The following HDAC9 variants were observed in gnomAD, a reference collection of about 807,000 sequenced individuals.
HDAC9 encodes the protein histone deacetylase 9.
In HDAC9, 41 loss-of-function variants were observed where a neutral mutation model predicts 139.4. The ratio of observed to expected loss-of-function variants is 0.29; its 90% confidence interval spans 0.23 to 0.38. The LOEUF (loss-of-function observed/expected upper bound fraction) is 0.38, where lower values mean the gene tolerates loss of function less well. HDAC9 is among the 10% of genes least tolerant of loss of function. HDAC9 has a pLI of 1.00. For synonymous variants in HDAC9, 517 were observed against 476.2 expected (o/e 1.09, Z -1.12); for missense variants, 1,147 against 1,297.0 (o/e 0.88, Z 1.78).
chr7:18,804,848 G>A (rs1793577282), intron 17 of HDAC9, among the ~76,000 whole-genome samples: 1 of 152,152 alleles, frequency 6.6e-6, no homozygotes, highest in Admixed American at 6.5e-5. Flanking sequence ...AGGCTGGTGT[G>A]CAGGGGCGTA....
intron 2 of HDAC9, among the ~76,000 whole-genome samples, chr7:18,227,929 T>A (rs1793177083): frequency 6.6e-6 from 1 of 152,210 alleles, no homozygotes; most frequent in African/African-American, 2.4e-5. Flanking sequence ...TTTTATTCAT[T>A]TTCCCCTGTG....
intron 1 of HDAC9, among the ~76,000 whole-genome samples, chr7:18,335,979 A>G (rs559090327): frequency 3.3e-5 from 5 of 151,756 alleles, no homozygotes; most frequent in African/African-American, 1.2e-4. Context: ...TCATGATGTA[A>G]CATTGATGAT....
intron 2 of HDAC9, among the ~76,000 whole-genome samples, chr7:18,262,288 C>T (rs918653218): frequency 1.3e-5 from 2 of 152,162 alleles, no homozygotes; most frequent in African/African-American, 4.8e-5. Context: ...AGGCTGACAG[C>T]TGATTTCTCT....
chr7:18,416,138 A>G (rs1789037069), intron 1 of HDAC9, among the ~76,000 whole-genome samples: 1 of 152,074 alleles, frequency 6.6e-6, no homozygotes, highest in Non-Finnish European at 1.5e-5. Flanking sequence ...CTCTACTAAA[A>G]ATACAAAATT....
At chr7:18,273,008 TTCTTCCTCCTCCTCCTCC>T (rs1471422937) in intron 2 of HDAC9, among the ~76,000 whole-genome samples, 2 of 148,844 alleles carry the variant, frequency 1.3e-5, no homozygotes, top group African/African-American at 5.0e-5. Flanking sequence ...CTTCTTCTTC[TTCTTCCTCCTCCTCCTCC>T]TCTTCCTCTT....
intron 6 of HDAC9, among the ~76,000 whole-genome samples, chr7:18,624,868 C>G (rs895970312): frequency 2.0e-5 from 3 of 151,948 alleles, no homozygotes; most frequent in Non-Finnish European, 4.4e-5. Flanking sequence ...ACCCTCACTA[C>G]TGAGATTTTA....
At chr7:18,687,739 G>A (rs1288121332) in intron 12 of HDAC9, among the ~76,000 whole-genome samples, 1 of 151,852 alleles carries the variant, frequency 6.6e-6, no homozygotes, top group East Asian at 1.9e-4. Flanking sequence ...TTCAGAAAGG[G>A]AAGAAGAGGG....
intron 17 of HDAC9, among the ~76,000 whole-genome samples, chr7:18,823,383 C>T (rs80148026): frequency 6.6e-5 from 10 of 152,080 alleles, no homozygotes; most frequent in Non-Finnish European, 8.8e-5. Flanking sequence ...CTGGGCACCA[C>T]GTAGAGTTTA....
chr7:18,155,093 C>CTTTCTTTCTTTCT (rs761803907), intron 1 of HDAC9, among the ~76,000 whole-genome samples: 3,138 of 141,612 alleles, frequency 0.022, 123 homozygotes, highest in African/African-American at 0.078. Context: ...TTCTTTCTTT[C>CTTTCTTTCTTTCT]TTTTTTTTTT....
At chr7:18,503,548 A>G (rs1798959384) in intron 2 of HDAC9, among the ~76,000 whole-genome samples, 1 of 152,210 alleles carries the variant, frequency 6.6e-6, no homozygotes, top group Admixed American at 6.5e-5. Flanking sequence ...TCATTATCAT[A>G]ATGTTAACTT....
chr7:18,751,241 C>A (rs1434929154), intron 14 of HDAC9, among the ~76,000 whole-genome samples: 5 of 152,070 alleles, frequency 3.3e-5, no homozygotes, highest in Non-Finnish European at 7.4e-5. Flanking sequence ...ATGTCAGAAA[C>A]ACTATCATAC....
rs1562944514 is a variant in HDAC9, at chr7:18,791,661, G to A, written c.2215-1684G>A. Among the ~76,000 whole-genome samples, 3 of 152,148 alleles carry A rather than the reference G, an allele frequency of 2.0e-5. No homozygotes were observed. The South Asian group carries it at 6.2e-4, about 32-fold the overall frequency. ...CTCCTAGAAAGCACGGGTTTCTTCA[G>A]GAGGGTGATGGAAAGGCATGTGCTG... On this transcript the variant is annotated intron_variant, in intron 16 of 25. Coordinates refer to ENST00000686413, the MANE Select transcript of HDAC9 (RefSeq NM_178425.4).
intron 2 of HDAC9, among the ~76,000 whole-genome samples, chr7:18,270,085 G>T (rs143373141): frequency 6.6e-6 from 1 of 152,142 alleles, no homozygotes; most frequent in African/African-American, 2.4e-5. Flanking sequence ...AGCCCACATT[G>T]TGACAACCAA....
chr7:18,577,996 C>G (rs764368527), intron 2 of HDAC9, among the ~76,000 whole-genome samples: 3 of 152,150 alleles, frequency 2.0e-5, no homozygotes, highest in Non-Finnish European at 4.4e-5. Flanking sequence ...CCTCCCCACT[C>G]ACGCCCCCAC....
intron 12 of HDAC9, chr7:18,668,858 C>G (rs1206916747): frequency 1.0e-6 from 1 of 983,548 alleles, no homozygotes; most frequent in Non-Finnish European, 1.2e-6. Flanking sequence ...CTTTCATACA[C>G]TTGGCTTTGT....
At chr7:18,723,471 G>T (rs1785290793) in intron 12 of HDAC9, among the ~76,000 whole-genome samples, 1 of 152,156 alleles carries the variant, frequency 6.6e-6, no homozygotes, top group South Asian at 2.1e-4. Context: ...CCTTTTGGTT[G>T]AGCAATAGAT....
chr7:18,530,920 T>G (rs995582707), intron 2 of HDAC9, among the ~76,000 whole-genome samples: 1 of 151,664 alleles, frequency 6.6e-6, no homozygotes, highest in Non-Finnish European at 1.5e-5. Flanking sequence ...GAAAAGAAAT[T>G]ATCCTCTATT....
intron 1 of HDAC9, among the ~76,000 whole-genome samples, chr7:18,462,623 A>G (rs946654615): frequency 5.3e-5 from 8 of 151,990 alleles, no homozygotes; most frequent in Non-Finnish European, 5.9e-5. Context: ...ATAAAATATC[A>G]TGATATTGTA....
intron 6 of HDAC9, 54 bp from the exon 7 acceptor site, chr7:18,629,296 G>C: frequency 2.7e-6 from 4 of 1,463,044 alleles, no homozygotes; most frequent in Non-Finnish European, 2.7e-6. Context: ...TGAGCAATTG[G>C]CTCTCTATTT....
Sources: gnomAD v4.1 joint callset for allele counts (sites outside exome capture counted in the v4.1 genomes callset) on GRCh38, gnomAD v4.1.1 for gene constraint, MANE v1.5 for transcripts, NCBI Gene and HGNC (gene_info 2026-07-23, HGNC 2026-07-21) for gene names.